ADK: variants seen among roughly 807,000 people sequenced by gnomAD.
ADK encodes adenosine kinase, also known as N6,N6-dimethyladenosine kinase.
A neutral mutation model predicts 44.7 loss-of-function variants in ADK; 24 were observed. The ratio of observed to expected loss-of-function variants is 0.54; its 90% CI spans 0.39 to 0.76. The LOEUF is 0.76. Among genes scored for constraint, ADK ranks in the 30% least tolerant of loss-of-function variants. ADK has a pLI of 0.00. For synonymous variants in ADK, 128 were observed against 142.6 expected (o/e 0.90, Z 0.73); for missense variants, 321 against 425.1 (o/e 0.76, Z 2.15).
chr10:74,707,151 T>G (rs1856631506), intron 10 of ADK, among the ~76,000 whole-genome samples: 1 of 152,200 alleles, frequency 6.6e-6, no homozygotes, highest in South Asian at 2.1e-4. Flanking sequence ...TCCTCTCACC[T>G]CAGCCTCCTG....
At chr10:74,488,586 T>A (rs1271442179) in intron 6 of ADK, among the ~76,000 whole-genome samples, 1 of 150,792 alleles carries the variant, frequency 6.6e-6, no homozygotes, top group Non-Finnish European at 1.5e-5. Context: ...ATAGCTTTTG[T>A]GAGTTTTTTT....
chr10:74,194,617 T>C (rs12569971), intron 1 of ADK, among the ~76,000 whole-genome samples: 69,710 of 152,082 alleles, frequency 0.46, 18,350 homozygotes, highest in Non-Finnish European at 0.59. Context: ...TTGTGCAGGA[T>C]TTATTGTGGC....
chr10:74,302,215 A>T (rs1592014156), intron 3 of ADK, among the ~76,000 whole-genome samples: 1 of 131,520 alleles, frequency 7.6e-6, no homozygotes, highest in Non-Finnish European at 1.5e-5. Flanking sequence ...TGCAACCCCT[A>T]CCTCCCGGGT....
intron 4 of ADK, among the ~76,000 whole-genome samples, chr10:74,386,135 A>C (rs1270875332): frequency 6.6e-6 from 1 of 152,108 alleles, no homozygotes; most frequent in African/African-American, 2.4e-5. Flanking sequence ...TTTCCTTATC[A>C]ATCTATTTCA....
At chr10:74,506,602 G>A (rs1047359942) in intron 6 of ADK, 3 of 152,442 alleles carry the variant, frequency 2.0e-5, no homozygotes, top group African/African-American at 7.2e-5. Flanking sequence ...CACTGCAAAA[G>A]CAACAGGTGG....
chr10:74,329,799 G>A (rs992091978), intron 4 of ADK, among the ~76,000 whole-genome samples: 4 of 152,052 alleles, frequency 2.6e-5, no homozygotes, highest in East Asian at 1.9e-4. Context: ...TATGAAGATG[G>A]CATATGATTT....
In ADK at chr10:74,592,949, T is replaced by C. The variant is rs1229681334; in HGVS notation, c.762+3632T>C. Reference sequence around the variant, plus strand: ...AGTACTCTATAGACTATGTAGCTAATGACTACTTTATTGGATAATGCAGGA... The same window carrying C: ...AGTACTCTATAGACTATGTAGCTAACGACTACTTTATTGGATAATGCAGGA... On this transcript the variant is annotated intron_variant, in intron 8 of 10. Coordinates refer to ENST00000539909, the MANE Select transcript of ADK (RefSeq NM_006721.4). Among the ~76,000 whole-genome samples the C allele has an allele frequency of 2.0e-5, 3 of 152,358 alleles. 1 individual carries two copies. The South Asian group carries it at 6.2e-4, about 32-fold the overall frequency.
chr10:74,229,391 C>CTTTT (rs371346131), intron 3 of ADK, among the ~76,000 whole-genome samples: 29 of 97,212 alleles, frequency 3.0e-4, no homozygotes, highest in African/African-American at 9.0e-4. Flanking sequence ...ATCTGGTATG[C>CTTTT]TTTTTTTTTT....
At chr10:74,501,089 G>A (rs1847869781) in intron 6 of ADK, among the ~76,000 whole-genome samples, 1 of 152,070 alleles carries the variant, frequency 6.6e-6, no homozygotes, top group Admixed American at 6.5e-5. Flanking sequence ...TACTTTCATA[G>A]AAATAAACAA....
At chr10:74,479,366 A>G (rs75270287) in intron 6 of ADK, among the ~76,000 whole-genome samples, 222 of 128,178 alleles carry the variant, frequency 1.7e-3, no homozygotes, top group African/African-American at 6.0e-3. Flanking sequence ...ATCATTCTCT[A>G]TCTCTTTTAG....
At chr10:74,281,645 T>G (rs926470164) in intron 3 of ADK, among the ~76,000 whole-genome samples, 36 of 152,154 alleles carry the variant, frequency 2.4e-4, no homozygotes, top group African/African-American at 8.4e-4. Context: ...ATTCCTCAGA[T>G]TGACTTAGAA....
chr10:74,585,968 A>G (rs1196685139), intron 7 of ADK, among the ~76,000 whole-genome samples: 1 of 152,234 alleles, frequency 6.6e-6, no homozygotes, highest in Non-Finnish European at 1.5e-5. Flanking sequence ...TCTTCTGCCC[A>G]CCAACTATGC....
rs552445265 is a variant in ADK, at chr10:74,488,715, A to C, written c.556-36541A>C. Among the ~76,000 whole-genome samples, 3 of 151,830 alleles carry C rather than the reference A, an allele frequency of 2.0e-5. No individual in the cohort carries two copies. In the South Asian group the frequency reaches 6.2e-4, roughly 32 times the overall value. Reference sequence around the variant, plus strand: ...CATTTCATCTCTAAATGCTAATGAAAACTGGACTTTTACGACATTAAAGAC... The same window carrying C: ...CATTTCATCTCTAAATGCTAATGAACACTGGACTTTTACGACATTAAAGAC... On this transcript the variant is annotated intron_variant, in intron 6 of 10. Transcript: ENST00000539909.
intron 4 of ADK, among the ~76,000 whole-genome samples, chr10:74,374,735 G>A (rs1437086305): frequency 6.6e-6 from 1 of 152,060 alleles, no homozygotes; most frequent in Non-Finnish European, 1.5e-5. Context: ...GCATGCCCAT[G>A]TCTCTCTGTG....
chr10:74,427,889 T>C (rs766195531), intron 6 of ADK, among the ~76,000 whole-genome samples: 10 of 152,106 alleles, frequency 6.6e-5, no homozygotes, highest in Non-Finnish European at 1.2e-4. Context: ...TACCGTAAAC[T>C]TAACAGAAAT....
At chr10:74,185,970 CCT>C (rs1422239119) in intron 1 of ADK, among the ~76,000 whole-genome samples, 1 of 151,896 alleles carries the variant, frequency 6.6e-6, no homozygotes, top group African/African-American at 2.4e-5. Context: ...GCCTCAGCCC[CCT>C]GAGTAGCTGG....
At chr10:74,238,856 C>CT (rs752385282) in intron 3 of ADK, among the ~76,000 whole-genome samples, 41,861 of 87,664 alleles carry the variant, frequency 0.48, 11,918 homozygotes, top group Middle Eastern at 0.64. Context: ...TTAGCTAGTG[C>CT]TTTTTTTTTT....
intron 7 of ADK, among the ~76,000 whole-genome samples, chr10:74,553,356 A>G (rs937627039): frequency 1.3e-5 from 2 of 151,772 alleles, no homozygotes; most frequent in African/African-American, 4.8e-5. Flanking sequence ...ACGCACCACG[A>G]CACCCAGCTA....
chr10:74,688,801 A>C (rs1185747770), intron 10 of ADK, among the ~76,000 whole-genome samples: 1 of 152,188 alleles, frequency 6.6e-6, no homozygotes, highest in Non-Finnish European at 1.5e-5. Context: ...CTGTAGTCCC[A>C]GTTACTCAGG....
Sources: gnomAD v4.1 joint callset for allele counts (sites outside exome capture counted in the v4.1 genomes callset) on GRCh38, gnomAD v4.1.1 for gene constraint, MANE v1.5 for transcripts, NCBI Gene and HGNC (gene_info 2026-07-23, HGNC 2026-07-21) for gene names.